The following RUFY1 variants were observed in gnomAD, a reference collection of about 807,000 sequenced individuals.
The protein encoded by RUFY1 is RUN and FYVE domain containing 1.
A neutral mutation model predicts 94.6 loss-of-function variants in RUFY1; 54 were observed. The ratio of observed to expected loss-of-function variants is 0.57; its 90% CI spans 0.46 to 0.72. RUFY1 has a LOEUF of 0.72. Ranked by LOEUF, RUFY1 falls within the 30% of genes least tolerant of loss-of-function variation. The pLI is 0.00. For synonymous variants in RUFY1, 396 were observed against 347.3 expected, an observed-to-expected ratio of 1.14 and a Z score of -1.56; for missense variants, 883 against 883.9, an observed-to-expected ratio of 1.00 and a Z score of 0.01.
At chr5:179,586,627 C>G (rs770438164) in intron 8 of RUFY1, among the ~76,000 whole-genome samples, 61 of 152,250 alleles carry the variant, frequency 4.0e-4, no homozygotes, top group South Asian at 6.2e-4. Flanking sequence ...CCGTGTAAGC[C>G]TCCCTTAAAG....
intron 1 of RUFY1, among the ~76,000 whole-genome samples, chr5:179,554,726 G>C (rs1331242460): frequency 2.0e-5 from 3 of 151,868 alleles, no homozygotes; most frequent in African/African-American, 4.8e-5. Flanking sequence ...CCAGCACTTT[G>C]GGAGGCCGAG....
intron 13 of RUFY1, among the ~76,000 whole-genome samples, chr5:179,597,775 G>A (rs556517362): frequency 5.9e-5 from 9 of 152,344 alleles, no homozygotes; most frequent in East Asian, 1.9e-4. Flanking sequence ...GACTCCAGGC[G>A]GTCCAGCAGT....
chr5:179,570,630 C>A (rs1269058072), intron 5 of RUFY1, among the ~76,000 whole-genome samples: 1 of 152,186 alleles, frequency 6.6e-6, no homozygotes, highest in Non-Finnish European at 1.5e-5. Context: ...GCATCCGCAG[C>A]TGTAGCTGGG....
In RUFY1 at chr5:179,583,305, AAAATT is replaced by A. The variant is rs1054022679; in HGVS notation, c.956+2294_956+2298del. Among the ~76,000 whole-genome samples, 5 of 151,890 alleles carry A rather than the reference AAAATT, an allele frequency of 3.3e-5. 1 individual carries two copies. Among genetic ancestry groups the A allele is most frequent in the Middle Eastern group, 3.4e-3 (1 of 292 alleles). On this transcript the variant is annotated intron_variant, in intron 7 of 17. Coordinates refer to ENST00000319449, the MANE Select transcript of RUFY1 (RefSeq NM_025158.5). ...ACAGAGTGAGACTCTGTCTCAAAAA[AAAATT>A]TATGAAGCTGAAAGCATTTATGAGG...
chr5:179,605,532 G>A (rs1445149480), intron 15 of RUFY1, among the ~76,000 whole-genome samples: 1 of 152,168 alleles, frequency 6.6e-6, no homozygotes, highest in Non-Finnish European at 1.5e-5. Context: ...TGGGGAGAGC[G>A]GTAGAGACTA....
At chr5:179,560,745 A>G (rs1326347415) in intron 2 of RUFY1, among the ~76,000 whole-genome samples, 1 of 149,762 alleles carries the variant, frequency 6.7e-6, no homozygotes, top group African/African-American at 2.5e-5. Context: ...AAAAAAAAAG[A>G]AAAAAGAAAA....
intron 2 of RUFY1, among the ~76,000 whole-genome samples, chr5:179,560,689 G>A (rs1762386755): frequency 1.5e-5 from 2 of 135,632 alleles, no homozygotes; most frequent in African/African-American, 5.6e-5. Context: ...TCGCGCCACT[G>A]CACTCCAGCT....
chr5:179,598,870 A>T, intron 14 of RUFY1, 49 bp downstream of exon 14: 3 of 1,608,502 alleles, frequency 1.9e-6, no homozygotes, highest in Non-Finnish European at 2.5e-6. Flanking sequence ...GCCTCCAGAA[A>T]CCCCTAACAT....
chr5:179,588,130 C>G (rs1764758141), intron 8 of RUFY1, among the ~76,000 whole-genome samples: 1 of 152,160 alleles, frequency 6.6e-6, no homozygotes, highest in Admixed American at 6.5e-5. Context: ...AGTAACACGC[C>G]CTTTCAAGCC....
At chr5:179,570,696 T>C (rs1488181792) in intron 5 of RUFY1, among the ~76,000 whole-genome samples, 1 of 152,228 alleles carries the variant, frequency 6.6e-6, no homozygotes, top group Non-Finnish European at 1.5e-5. Context: ...TCCCAGCCTT[T>C]TTCCTGCATT....
At chr5:179,589,881 C>T (rs7715391) in intron 9 of RUFY1, among the ~76,000 whole-genome samples, 49,702 of 152,090 alleles carry the variant, frequency 0.33, 8,447 homozygotes, top group Non-Finnish European at 0.38. Flanking sequence ...AGTTCCTACT[C>T]GTTCTTCAGC....
intron 1 of RUFY1, among the ~76,000 whole-genome samples, chr5:179,551,238 G>A (rs1761830184): frequency 6.6e-6 from 1 of 152,244 alleles, no homozygotes; most frequent in Admixed American, 6.5e-5. Flanking sequence ...TGGAGCGCCG[G>A]CGGGTGTTGG....
intron 12 of RUFY1, chr5:179,595,781 CTCAGGTGA>C (rs954937395): frequency 2.0e-5 from 3 of 152,206 alleles, no homozygotes; most frequent in African/African-American, 7.2e-5. Flanking sequence ...AACTCCCGAC[CTCAGGTGA>C]TCTGCCCACC....
At chr5:179,556,434 T>C (rs1762117213) in intron 1 of RUFY1, among the ~76,000 whole-genome samples, 1 of 152,118 alleles carries the variant, frequency 6.6e-6, no homozygotes, top group Admixed American at 6.6e-5. Flanking sequence ...AGTTTATTAG[T>C]AATGCTACAT....
chr5:179,600,684 CTTTTTTTTTTTTTTT>C (rs398000079), intron 14 of RUFY1, among the ~76,000 whole-genome samples: 806 of 54,822 alleles, frequency 0.015, 17 homozygotes, highest in Middle Eastern at 0.1. Flanking sequence ...ATGATGGTAA[CTTTTTTTTTTTTTTT>C]TTTTTTTTTT....
intron 14 of RUFY1, chr5:179,600,242 A>G (rs1766205270): frequency 6.6e-6 from 1 of 152,216 alleles, no homozygotes; most frequent in Admixed American, 6.6e-5. Flanking sequence ...GTGTGCAGAG[A>G]GCCACCCCGC....
chr5:179,576,647 C>G lies in RUFY1; in HGVS notation c.829-428C>G, dbSNP rs146067296. ...TGCTGGCCAGGCTGGTTTCGAACTC[C>G]TGACCTCAGGCAATCCACCAGCCTC... On this transcript the variant is annotated intron_variant, in intron 5 of 17. Coordinates refer to ENST00000319449, the MANE Select transcript of RUFY1 (RefSeq NM_025158.5). Among the ~76,000 whole-genome samples the G allele has an allele frequency of 9.9e-3, 1,509 of 152,274 alleles. 34 individuals carry two copies. The highest frequency in any genetic ancestry group is 0.034 in the African/African-American group (1,399 of 41,554).
At chr5:179,553,259 G>C (rs901543787) in intron 1 of RUFY1, among the ~76,000 whole-genome samples, 2 of 152,268 alleles carry the variant, frequency 1.3e-5, no homozygotes, top group African/African-American at 4.8e-5. Flanking sequence ...GTGGGCAGGG[G>C]CCTCTCACCT....
rs1216004368 is a variant in RUFY1, at chr5:179,598,776, C to T, written c.1716C>T (p.Ser572=). The T allele has an allele frequency of 9.3e-6, 15 of 1,614,088 alleles. No individual in the cohort carries two copies. Among genetic ancestry groups the T allele is most frequent in the Non-Finnish European group, 1.3e-5 (15 of 1,180,044 alleles). ...QRELQHEKDT[S]SLLRMELQQV... Reference sequence around the variant, plus strand: ...AATTACAGCACGAGAAAGACACTTCCTCTCTACTCAGGATGGAGCTGCAAC... The same window carrying T: ...AATTACAGCACGAGAAAGACACTTCTTCTCTACTCAGGATGGAGCTGCAAC... Residue 572 remains serine, a synonymous_variant, in exon 14 of 18, where the codon TCC becomes TCT. Transcript: ENST00000319449.
Sources: gnomAD v4.1 joint callset for allele counts (sites outside exome capture counted in the v4.1 genomes callset) on GRCh38, gnomAD v4.1.1 for gene constraint, MANE v1.5 for transcripts, NCBI Gene and HGNC (gene_info 2026-07-23, HGNC 2026-07-21) for gene names.